Variants in GRM7 observed in about 807,000 individuals in gnomAD.
The protein encoded by GRM7 is metabotropic glutamate receptor 7.
GRM7 carries 35 observed loss-of-function variants against 84.5 expected under a neutral mutation model. The ratio of observed to expected loss-of-function variants is 0.41; its 90% CI spans 0.32 to 0.55. GRM7 has a LOEUF of 0.55. GRM7 is among the 20% of genes least tolerant of loss of function. The pLI, the probability that GRM7 is intolerant of heterozygous loss-of-function variation, is 0.19. For synonymous variants in GRM7, 487 were observed against 455.1 expected (o/e 1.07, Z -0.89); for missense variants, 1,003 against 1,194.6 (o/e 0.84, Z 2.36).
At chr3:7,715,309 T>C (rs994158197) in intron 9 of GRM7, among the ~76,000 whole-genome samples, 3 of 151,882 alleles carry the variant, frequency 2.0e-5, no homozygotes, top group African/African-American at 7.3e-5. Flanking sequence ...AAATAAAAAA[T>C]AAATGAATAA....
chr3:7,477,067 T>G (rs1454832196), intron 7 of GRM7, among the ~76,000 whole-genome samples: 4 of 152,208 alleles, frequency 2.6e-5, no homozygotes, highest in African/African-American at 9.6e-5. Context: ...GTGTTAGACA[T>G]CAAACTGATG....
At chr3:7,454,983 G>C (rs530403978) in intron 6 of GRM7, among the ~76,000 whole-genome samples, 13 of 152,194 alleles carry the variant, frequency 8.5e-5, no homozygotes, top group Non-Finnish European at 1.6e-4. Flanking sequence ...GTTGGGACCA[G>C]GGCTAGGGCA....
At chr3:7,701,327 A>G (rs162767) in intron 9 of GRM7, among the ~76,000 whole-genome samples, 132,882 of 144,116 alleles carry the variant, frequency 0.92, 61,327 homozygotes, top group East Asian at 0.98. Context: ...TTGAGACGGA[A>G]TCTCACTCTG....
At chr3:7,559,528 C>A (rs1311381887) in intron 7 of GRM7, among the ~76,000 whole-genome samples, 1 of 151,984 alleles carries the variant, frequency 6.6e-6, no homozygotes, top group Non-Finnish European at 1.5e-5. Context: ...AAAATGATAA[C>A]CCTTCTGAGA....
chr3:7,348,435 C>T (rs532043691), intron 4 of GRM7, among the ~76,000 whole-genome samples: 2 of 152,242 alleles, frequency 1.3e-5, no homozygotes, highest in Admixed American at 6.5e-5. Context: ...TTATTTTTCT[C>T]TCAAGTACCA....
chr3:7,129,095 A>C (rs9872989), intron 1 of GRM7, among the ~76,000 whole-genome samples: 45,728 of 151,908 alleles, frequency 0.3, 7,317 homozygotes, highest in African/African-American at 0.41. Context: ...GGAGTGCACC[A>C]ATTTAGTAGC....
chr3:6,870,315 T>C (rs1695080184), intron 1 of GRM7, among the ~76,000 whole-genome samples: 1 of 152,108 alleles, frequency 6.6e-6, no homozygotes, highest in Non-Finnish European at 1.5e-5. Flanking sequence ...GGAGTTGGCA[T>C]AGTGGATTTA....
At chr3:7,420,439 CT>C (rs1696348262) in intron 5 of GRM7, among the ~76,000 whole-genome samples, 1 of 152,160 alleles carries the variant, frequency 6.6e-6, no homozygotes, top group Non-Finnish European at 1.5e-5. Context: ...TACTCTAAGA[CT>C]TTTTTTGAAA....
chr3:6,896,289 G>T (rs908768197), intron 1 of GRM7, among the ~76,000 whole-genome samples: 1 of 152,098 alleles, frequency 6.6e-6, no homozygotes, highest in Non-Finnish European at 1.5e-5. Context: ...ACATGTTTAT[G>T]GGCTGGCTCA....
intron 4 of GRM7, among the ~76,000 whole-genome samples, chr3:7,335,435 T>G (rs1167317884): frequency 6.6e-6 from 1 of 151,986 alleles, no homozygotes. Flanking sequence ...GTTTATAGCA[T>G]TAAATGCTTA....
chr3:7,432,511 G>A (rs887927407), intron 5 of GRM7, among the ~76,000 whole-genome samples: 2 of 151,926 alleles, frequency 1.3e-5, no homozygotes, highest in African/African-American at 4.8e-5. Flanking sequence ...TAGTAGAGAT[G>A]AGGTTTTACC....
At chr3:7,224,151 A>C (rs1696901701) in intron 2 of GRM7, among the ~76,000 whole-genome samples, 1 of 152,194 alleles carries the variant, frequency 6.6e-6, no homozygotes, top group South Asian at 2.1e-4. Flanking sequence ...TTTGACTCAC[A>C]GTTCTGCAGG....
chr3:7,154,986 T>C (rs1694402685), intron 2 of GRM7, among the ~76,000 whole-genome samples: 1 of 152,086 alleles, frequency 6.6e-6, no homozygotes, highest in Non-Finnish European at 1.5e-5. Context: ...ATTGGAAAGA[T>C]ATTGATTAGT....
chr3:7,293,793 A>C (rs1699721556), intron 2 of GRM7, among the ~76,000 whole-genome samples: 1 of 152,198 alleles, frequency 6.6e-6, no homozygotes, highest in Non-Finnish European at 1.5e-5. Context: ...TCACAGTGAC[A>C]CACTTGGTAT....
chr3:7,619,363 C>A (rs1575561949), intron 8 of GRM7, among the ~76,000 whole-genome samples: 1 of 151,814 alleles, frequency 6.6e-6, no homozygotes, highest in Non-Finnish European at 1.5e-5. Context: ...ACAGTGGCTG[C>A]AAGTCAGACT....
chr3:7,622,416 T>C lies in GRM7; in HGVS notation c.2451+43059T>C, dbSNP rs755651097. Among the ~76,000 whole-genome samples, 12 of 152,246 alleles carry C rather than the reference T, an allele frequency of 7.9e-5. No homozygotes were observed. The South Asian group carries it at 1.0e-3, about 13-fold the overall frequency. On this transcript the variant is annotated intron_variant, in intron 8 of 9. Coordinates refer to ENST00000357716, the MANE Select transcript of GRM7 (RefSeq NM_000844.4). Reference sequence around the variant, plus strand: ...CAGATATCAGTTAGATGCATTATCATGTGGGAAGGCTACAATGATGAGTGA... The same window carrying C: ...CAGATATCAGTTAGATGCATTATCACGTGGGAAGGCTACAATGATGAGTGA...
At position 7,048,638 on chromosome 3, in the gene GRM7, G is replaced by T. The variant is rs779714434; in HGVS notation, c.520-97814G>T. On this transcript the variant is annotated intron_variant, in intron 1 of 9. Coordinates refer to ENST00000357716, the MANE Select transcript of GRM7 (RefSeq NM_000844.4). ...ATTATTTATATTGTACAACATAAAG[G>T]TTTTGATATGTATATATGGACACAT... 2.6e-5 allele frequency among the ~76,000 whole-genome samples: 4 copies of T among 151,804 alleles called. No individual in the cohort carries two copies. In the South Asian group the frequency reaches 6.2e-4, roughly 24 times the overall value.
At chr3:7,691,463 G>C (rs1700797239) in intron 9 of GRM7, 1 of 271,762 alleles carries the variant, frequency 3.7e-6, no homozygotes, top group African/African-American at 2.2e-5. Flanking sequence ...TCACTTAATG[G>C]ATCTCTGATT....
Position 6,867,489 on chromosome 3 carries a change from G to A in GRM7, c.519+5582G>A, listed in dbSNP as rs1188770295. ...ATCTGAAAGCTTTGGAACCACACTT[G>A]GTTCCTTTCATTAAAGCAAATCTTT... On this transcript the variant is annotated intron_variant, in intron 1 of 9. Coordinates refer to ENST00000357716, the MANE Select transcript of GRM7 (RefSeq NM_000844.4). Among the ~76,000 whole-genome samples, 7 of 152,084 alleles carry A rather than the reference G, an allele frequency of 4.6e-5. No individual in the cohort carries two copies. The South Asian group carries it at 1.2e-3, about 27-fold the overall frequency.
Sources: gnomAD v4.1 joint callset for allele counts (sites outside exome capture counted in the v4.1 genomes callset) on GRCh38, gnomAD v4.1.1 for gene constraint, MANE v1.5 for transcripts, NCBI Gene and HGNC (gene_info 2026-07-23, HGNC 2026-07-21) for gene names.